PDCD6: variants seen among roughly 807,000 people sequenced by gnomAD.
The protein encoded by PDCD6 is programmed cell death 6, also known as programmed cell death protein 6.
Under a neutral mutation model 28.3 loss-of-function variants are expected in PDCD6, and 12 were observed. The observed-to-expected ratio is 0.42, with a 90% confidence interval of 0.27 to 0.69. The LOEUF (loss-of-function observed/expected upper bound fraction) is 0.69, where lower values mean the gene tolerates loss of function less well. Ranked by LOEUF, PDCD6 falls within the 30% of genes least tolerant of loss-of-function variation. The pLI is 0.22. For missense variants in PDCD6, 226 were observed against 269.9 expected, an observed-to-expected ratio of 0.84 and a Z score of 1.14; for synonymous variants, 92 against 108.0, an observed-to-expected ratio of 0.85 and a Z score of 0.92.
Position 272,792 on chromosome 5 carries a change from C to T in PDCD6, c.163+20C>T. 6.4e-7 allele frequency: 1 copy of T among 1,563,800 alleles called. No homozygotes were observed. The highest frequency in any genetic ancestry group is 8.6e-7 in the Non-Finnish European group (1 of 1,159,708). ...CCAACGGTGAGTGGGCCAGTGGGAACTGGGTCTCCGGACCAAGAAGCCGCG... is the reference window on the plus strand; with the variant it reads ...CCAACGGTGAGTGGGCCAGTGGGAATTGGGTCTCCGGACCAAGAAGCCGCG... On this transcript the variant is annotated intron_variant, in intron 2 of 5. Coordinates refer to ENST00000264933, the MANE Select transcript of PDCD6 (RefSeq NM_013232.4).
intron 2 of PDCD6, among the ~76,000 whole-genome samples, chr5:274,863 A>G (rs1433416762): frequency 6.6e-6 from 1 of 152,196 alleles, no homozygotes; most frequent in African/African-American, 2.4e-5. Context: ...CTATCAGAAC[A>G]TAATCTTGAT....
At position 271,828 on chromosome 5, in the gene PDCD6, C is replaced by T. The variant is rs778030699; in HGVS notation, c.101+7C>T. ...TGTGGAACGTTTTCCAGAGGTGCGG[C>T]CTGGCACCGCCCGGGCACCTCCCGC... On this transcript the variant is annotated splice_region_variant and intron_variant, in intron 1 of 5. Coordinates refer to ENST00000264933, the MANE Select transcript of PDCD6 (RefSeq NM_013232.4). The T allele has an allele frequency of 7.2e-7, 1 of 1,393,710 alleles. No homozygotes were observed. The allele number at this position is 1,393,710 out of a possible 1,614,324, so 86.3% of individuals were successfully genotyped here.
Position 314,657 on chromosome 5 carries a change from G to A in PDCD6, c.*142G>A. 1 of 707,224 alleles carries A rather than the reference G, an allele frequency of 1.4e-6. No homozygotes were observed. The highest frequency in any genetic ancestry group is 2.6e-6 in the Non-Finnish European group (1 of 388,854). The allele number at this position is 707,224 out of a possible 1,614,324, so 43.8% of individuals were successfully genotyped here. On this transcript the variant is annotated 3_prime_UTR_variant, in exon 6 of 6. Coordinates refer to ENST00000264933, the MANE Select transcript of PDCD6 (RefSeq NM_013232.4). ...CACGTGGGGACCCAGCTGTACATAT[G>A]TGGATAAGCTGATTAATGGTTTTGC...
At chr5:289,951 A>C in intron 2 of PDCD6, 1 of 1,570,150 alleles carries the variant, frequency 6.4e-7, no homozygotes, top group South Asian at 1.1e-5. Context: ...ATCCTTTTCT[A>C]CTCCTCTGAG....
At chr5:301,009 C>G (rs1209950730) in intron 2 of PDCD6, among the ~76,000 whole-genome samples, 18 of 152,214 alleles carry the variant, frequency 1.2e-4, no homozygotes, top group Non-Finnish European at 1.5e-5. Flanking sequence ...GTTAACATCT[C>G]GCTTGTGTTT....
At chr5:295,219 AAAC>A (rs201107551) in intron 2 of PDCD6, among the ~76,000 whole-genome samples, 19,858 of 151,900 alleles carry the variant, frequency 0.13, 1,359 homozygotes, top group Admixed American at 0.17. Flanking sequence ...TAAAATAAAA[AAAC>A]CACAAAAAGT....
intron 4 of PDCD6, chr5:311,052 CCTT>C: frequency 2.2e-6 from 1 of 461,324 alleles, no homozygotes. Context: ...ACTCACTCCT[CCTT>C]CCGGGGTCAT....
chr5:311,314 T>G lies in PDCD6; in HGVS notation c.389T>G (p.Phe130Cys). The change falls in exon 5 of 6, where the codon TTC becomes TGC. Residue 130 changes from phenylalanine (F) to cysteine (C), a missense_variant. By Grantham distance (205) the Phe-to-Cys change is radical. This residue lies in a region of PDCD6 where 151 missense variants were observed against 177.2 expected (regional missense o/e 0.85). Coordinates refer to ENST00000264933, the MANE Select transcript of PDCD6 (RefSeq NM_013232.4). Reference protein sequence around the residue: ...SGFGYRLSDQFHDILIRKFDR... With the variant: ...SGFGYRLSDQCHDILIRKFDR... ...GAAGGCTACCGGCTCTCTGACCAGTTCCACGACATCCTCATTCGAAAGTTT... is the reference window on the plus strand; with the variant it reads ...GAAGGCTACCGGCTCTCTGACCAGTGCCACGACATCCTCATTCGAAAGTTT... The G allele has an allele frequency of 6.2e-7, 1 of 1,614,110 alleles. No individual in the cohort carries two copies. Among genetic ancestry groups the G allele is most frequent in the Non-Finnish European group, 8.5e-7 (1 of 1,179,986 alleles).
chr5:296,289 C>A (rs551495811), intron 2 of PDCD6, among the ~76,000 whole-genome samples: 62 of 152,254 alleles, frequency 4.1e-4, no homozygotes, highest in South Asian at 1.7e-3. Context: ...TGTCCTCTCC[C>A]CCACCCCAGC....
chr5:304,181 G>T lies in PDCD6; in HGVS notation c.168G>T (p.Thr56=), dbSNP rs764507918. ...CCTGTTGTTGTTTGTTTTCAGGCAC[G>T]TGGACTCCCTTTAATCCAGTGACTG... ...TELQQALSNG[T]WTPFNPVTVR... is the part of the protein sequence containing the mutation. The change falls in exon 3 of 6, where the codon ACG becomes ACT. Residue 56 remains threonine (T), a synonymous_variant. Coordinates refer to ENST00000264933, the MANE Select transcript of PDCD6 (RefSeq NM_013232.4). The T allele has an allele frequency of 2.6e-6, 4 of 1,530,654 alleles. No individual in the cohort carries two copies. Among genetic ancestry groups the T allele is most frequent in the Non-Finnish European group, 3.6e-6 (4 of 1,125,002 alleles). 94.8% of individuals were successfully genotyped at this position (1,530,654 alleles called of 1,614,324 possible).
chr5:297,537 G>T (rs538599393), intron 2 of PDCD6, among the ~76,000 whole-genome samples: 1 of 152,322 alleles, frequency 6.6e-6, no homozygotes, highest in African/African-American at 2.4e-5. Flanking sequence ...TTTCATGTGT[G>T]CACTTTGGTG....
chr5:312,384 T>C (rs899712538), intron 5 of PDCD6: 3 of 152,226 alleles, frequency 2.0e-5, no homozygotes, highest in Non-Finnish European at 4.4e-5. Flanking sequence ...AGGAACAGCA[T>C]GGGGTTTTTA....
chr5:281,322 T>C (rs1041602518), intron 2 of PDCD6, among the ~76,000 whole-genome samples: 1 of 152,228 alleles, frequency 6.6e-6, no homozygotes, highest in African/African-American at 2.4e-5. Flanking sequence ...GCTGGTGCTA[T>C]CGCTGTTCAA....
chr5:300,947 C>G (rs1312621364), intron 2 of PDCD6, among the ~76,000 whole-genome samples: 6 of 152,238 alleles, frequency 3.9e-5, no homozygotes, highest in African/African-American at 1.2e-4. Context: ...CGGCACACTC[C>G]ATGCGTGCCC....
rs138152343 is a variant in PDCD6, at chr5:277,165, G to A, written c.163+4393G>A. On this transcript the variant is annotated intron_variant, in intron 2 of 5. Transcript: ENST00000264933. ...TTTTGAGACAGAGGCTTGCTCTATC[G>A]CCCAGGCTGGAGTGCAGTGGCACGC... 5.2e-4 allele frequency among the ~76,000 whole-genome samples: 79 copies of A among 152,182 alleles called. No individual in the cohort carries two copies. The East Asian group carries it at 8.3e-3, about 16-fold the overall frequency.
chr5:271,742 C>T lies in PDCD6; in HGVS notation c.22C>T (p.Pro8Ser). The change falls in exon 1 of 6, where the codon CCC becomes TCC. Residue 8 changes from proline to serine, a missense_variant. This residue lies in a region of PDCD6 where 72 missense variants were observed against 71.4 expected (regional missense o/e 1.01). Coordinates refer to ENST00000264933, the MANE Select transcript of PDCD6 (RefSeq NM_013232.4). Reference protein sequence around the residue: MAAYSYRPGPGAGPGPAA... With the variant: MAAYSYRSGPGAGPGPAA... The stretch of plus-strand genomic sequence containing the variant: ...GCCCATGGCCGCCTACTCTTACCGC[C>T]CCGGCCCTGGGGCCGGCCCTGGGCC... 1.3e-6 allele frequency: 2 copies of T among 1,536,092 alleles called. No homozygotes were observed. The highest frequency in any genetic ancestry group is 1.7e-6 in the Non-Finnish European group (2 of 1,147,502).
chr5:272,113 C>A (rs997165038), intron 1 of PDCD6, among the ~76,000 whole-genome samples: 2 of 151,450 alleles, frequency 1.3e-5, no homozygotes, highest in East Asian at 3.9e-4. Context: ...GCGTCGGGCC[C>A]TTCCCAAGAT....
chr5:304,281 G>A (rs570731986), intron 3 of PDCD6, 60 bp downstream of exon 3: 151 of 1,143,744 alleles, frequency 1.3e-4, no homozygotes, highest in South Asian at 2.9e-4. Context: ...TTGGGTACCC[G>A]CTTGTGTTTC....
At chr5:308,885 C>G (rs1337175465) in intron 4 of PDCD6, 1 of 152,490 alleles carries the variant, frequency 6.6e-6, no homozygotes, top group Non-Finnish European at 1.5e-5. Flanking sequence ...GCTCAGAGAC[C>G]TGAAGTGAAA....
Sources: allele counts gnomAD v4.1 joint callset (sites outside exome capture counted in the v4.1 genomes callset), GRCh38; gene constraint gnomAD v4.1.1; regional missense constraint gnomAD v4.1.1; transcripts MANE v1.5; gene names NCBI Gene and HGNC (gene_info 2026-07-23, HGNC 2026-07-21).